Variants in MACROD2 observed in about 807,000 individuals in gnomAD.
MACROD2 encodes the protein ADP-ribose glycohydrolase MACROD2.
A neutral mutation model predicts 70.4 loss-of-function variants in MACROD2; 36 were observed. The ratio of observed to expected loss-of-function variants is 0.51; its 90% CI spans 0.39 to 0.68. MACROD2 has a LOEUF of 0.68. MACROD2 is among the 30% of genes least tolerant of loss of function. The probability of loss-of-function intolerance (pLI) is 0.00; values close to 1 mark genes in which losing one functional copy is unlikely to be tolerated. For synonymous variants in MACROD2, 172 were observed against 178.8 expected (o/e 0.96, Z 0.30); for missense variants, 496 against 538.4 (o/e 0.92, Z 0.78).
chr20:15,437,527 G>C (rs949230038), intron 7 of MACROD2, among the ~76,000 whole-genome samples: 3 of 152,140 alleles, frequency 2.0e-5, no homozygotes, highest in African/African-American at 7.2e-5. Context: ...TTAGGTTTGG[G>C]GGTACATGTG....
At chr20:14,962,909 G>A (rs1475370110) in intron 5 of MACROD2, among the ~76,000 whole-genome samples, 1 of 152,036 alleles carries the variant, frequency 6.6e-6, no homozygotes, top group African/African-American at 2.4e-5. Context: ...AGAAAGCTGT[G>A]TTACCCAAAT....
intron 3 of MACROD2, among the ~76,000 whole-genome samples, chr20:14,259,996 T>C (rs961339216): frequency 6.6e-6 from 1 of 152,210 alleles, no homozygotes; most frequent in Non-Finnish European, 1.5e-5. Context: ...TGCTTTGCTC[T>C]TGCCAAAGTG....
chr20:15,434,470 T>C (rs1017358635), intron 7 of MACROD2, among the ~76,000 whole-genome samples: 1 of 152,114 alleles, frequency 6.6e-6, no homozygotes, highest in African/African-American at 2.4e-5. Flanking sequence ...CACGATGAGA[T>C]ACCACCTTAC....
intron 5 of MACROD2, among the ~76,000 whole-genome samples, chr20:15,031,108 T>A (rs1001510614): frequency 2.6e-5 from 4 of 152,192 alleles, no homozygotes; most frequent in Non-Finnish European, 4.4e-5. Flanking sequence ...CAGCACCAGG[T>A]GCCTGCACAG....
intron 5 of MACROD2, among the ~76,000 whole-genome samples, chr20:14,959,523 C>T (rs1369427020): frequency 6.6e-6 from 1 of 152,006 alleles, no homozygotes; most frequent in Non-Finnish European, 1.5e-5. Flanking sequence ...CCTCCCTCCC[C>T]AAATACAAGC....
rs527250604 is a variant in MACROD2 at position 15,834,476 on chromosome 20, T to TTTCA, written c.646-28266_646-28263dup. Among the ~76,000 whole-genome samples, 647 of 152,312 alleles carry TTTCA rather than the reference T, an allele frequency of 4.2e-3. 5 individuals carry two copies. Among genetic ancestry groups the TTTCA allele is most frequent in the African/African-American group, 0.015 (626 of 41,572 alleles). On this transcript the variant is annotated intron_variant, in intron 8 of 17. Transcript: ENST00000684519. Reference sequence around the variant, plus strand: ...TAAGGCCAAGATCAAATCCTATGGTTTTCATTGCCTTATCCGTTGCCCCGG... The same window carrying TTTCA: ...TAAGGCCAAGATCAAATCCTATGGTTTTCATTCATTGCCTTATCCGTTGCCCCGG...
intron 7 of MACROD2, among the ~76,000 whole-genome samples, chr20:15,454,387 C>T (rs886752893): frequency 6.7e-6 from 1 of 148,600 alleles, no homozygotes; most frequent in Non-Finnish European, 1.5e-5. Flanking sequence ...TGCTATATCC[C>T]TCTCATTTGA....
intron 6 of MACROD2, among the ~76,000 whole-genome samples, chr20:15,259,071 T>C (rs1413232614): frequency 6.6e-6 from 1 of 152,004 alleles, no homozygotes; most frequent in Non-Finnish European, 1.5e-5. Context: ...CAATAGTAAT[T>C]GGTAGGTTGG....
At position 15,555,849 on chromosome 20, in the gene MACROD2, A is replaced by G. The variant is rs1252762407; in HGVS notation, c.645+56002A>G. 5.2e-3 allele frequency among the ~76,000 whole-genome samples: 767 copies of G among 146,594 alleles called. 13 individuals carry two copies. The highest frequency in any genetic ancestry group is 0.02 in the African/African-American group (737 of 37,648). ...ATCTCAAAAAAAAAAAAAAAAAAAAAAAAAAGGAAAAGAAAAGAAAAGGAA... is the reference window on the plus strand; with the variant it reads ...ATCTCAAAAAAAAAAAAAAAAAAAAGAAAAAGGAAAAGAAAAGAAAAGGAA... On this transcript the variant is annotated intron_variant, in intron 8 of 17. Transcript: ENST00000684519.
intron 3 of MACROD2, among the ~76,000 whole-genome samples, chr20:14,261,801 A>C (rs2082103476): frequency 1.3e-5 from 2 of 152,228 alleles, no homozygotes; most frequent in Non-Finnish European, 2.9e-5. Flanking sequence ...GTAGAAGACT[A>C]ATTCACAGTA....
intron 3 of MACROD2, among the ~76,000 whole-genome samples, 160 bp downstream of exon 3, chr20:14,085,888 T>C (rs762365307): frequency 3.3e-5 from 5 of 152,150 alleles, no homozygotes; most frequent in Non-Finnish European, 7.3e-5. Flanking sequence ...ATCTATTTTT[T>C]TGTATGTTCT....
intron 8 of MACROD2, among the ~76,000 whole-genome samples, chr20:15,819,037 C>T (rs1325048810): frequency 6.6e-6 from 1 of 151,898 alleles, no homozygotes; most frequent in Non-Finnish European, 1.5e-5. Flanking sequence ...ACGCAACAAT[C>T]TCTCTGCCAG....
chr20:14,055,589 G>C (rs915369838), intron 2 of MACROD2, among the ~76,000 whole-genome samples: 9 of 151,794 alleles, frequency 5.9e-5, no homozygotes, highest in African/African-American at 9.7e-5. Flanking sequence ...TCTGGGCATA[G>C]GGCAAGTTAC....
chr20:14,423,216 A>T (rs753200388), intron 3 of MACROD2, among the ~76,000 whole-genome samples: 91 of 152,314 alleles, frequency 6.0e-4, no homozygotes, highest in Non-Finnish European at 1.1e-3. Context: ...ATGAATAAAG[A>T]CACCACAAAA....
At chr20:14,218,144 T>C (rs2081639623) in intron 3 of MACROD2, among the ~76,000 whole-genome samples, 1 of 152,220 alleles carries the variant, frequency 6.6e-6, no homozygotes, top group African/African-American at 2.4e-5. Flanking sequence ...ATTGTGTTGC[T>C]ATCTCATTTC....
chr20:14,298,699 T>C (rs1601448380), intron 3 of MACROD2, among the ~76,000 whole-genome samples: 2 of 151,720 alleles, frequency 1.3e-5, no homozygotes, highest in Non-Finnish European at 2.9e-5. Context: ...GATAAGAACA[T>C]TTGTGACTCA....
At chr20:15,505,164 G>A (rs907470476) in intron 8 of MACROD2, among the ~76,000 whole-genome samples, 2 of 152,068 alleles carry the variant, frequency 1.3e-5, no homozygotes, top group Non-Finnish European at 2.9e-5. Flanking sequence ...AGCCACAAAT[G>A]TCCTGATATT....
intron 8 of MACROD2, 75 bp downstream of exon 8, chr20:15,499,922 T>G (rs1386303800): frequency 3.6e-6 from 5 of 1,374,514 alleles, no homozygotes; most frequent in Non-Finnish European, 5.2e-6. Context: ...AAAAAGCACA[T>G]AAATTTTATA....
At chr20:14,825,117 C>T (rs1166810505) in intron 5 of MACROD2, among the ~76,000 whole-genome samples, 1 of 152,054 alleles carries the variant, frequency 6.6e-6, no homozygotes, top group Non-Finnish European at 1.5e-5. Context: ...GGCACGTCTG[C>T]CCTGTGTGCT....
Sources: allele counts gnomAD v4.1 joint callset (sites outside exome capture counted in the v4.1 genomes callset), GRCh38; gene constraint gnomAD v4.1.1; transcripts MANE v1.5; gene names NCBI Gene and HGNC (gene_info 2026-07-23, HGNC 2026-07-21).